Variants in DYM observed in about 807,000 individuals in gnomAD.
DYM encodes dymeclin, also known as dyggve-Melchior-Clausen syndrome protein.
DYM carries 78 observed loss-of-function variants against 93.1 expected under a neutral mutation model. The ratio of observed to expected loss-of-function variants is 0.84; its 90% CI spans 0.70 to 1.01. The LOEUF (loss-of-function observed/expected upper bound fraction) is 1.01. Ranked by LOEUF, DYM falls within the 50% of genes least tolerant of loss-of-function variation. DYM has a pLI of 0.00. For missense variants in DYM, 789 were observed against 845.0 expected (o/e 0.93, Z 0.82); for synonymous variants, 321 against 319.7 (o/e 1.00, Z -0.04).
Position 49,085,606 on chromosome 18 carries a change from CTTTTTTTTTT to C in DYM, c.2025+11786_2025+11795del, listed in dbSNP as rs11437833. ...GGCAGATGAATAAGGACAACTGGTC[CTTTTTTTTTT>C]TTTTTTTTTTTGATGGAGTCTCACT... On this transcript the variant is annotated intron_variant, in intron 17 of 17. Coordinates refer to ENST00000675505, the MANE Select transcript of DYM (RefSeq NM_001353214.3). Among the ~76,000 whole-genome samples, 8 of 102,174 alleles carry C rather than the reference CTTTTTTTTTT, an allele frequency of 7.8e-5. No homozygotes were observed. The East Asian group carries it at 1.8e-3, about 22-fold the overall frequency. The allele number at this position is 102,174 out of a possible 152,430, so 67.0% of individuals were successfully genotyped here. A position where few individuals can be genotyped will look rare whatever the true frequency, so the allele number is the denominator to read the frequency against.
intron 14 of DYM, among the ~76,000 whole-genome samples, chr18:49,193,893 T>C (rs1310522419): frequency 6.6e-6 from 1 of 152,226 alleles, no homozygotes; most frequent in African/African-American, 2.4e-5. Flanking sequence ...ATTTCCATTC[T>C]GTAGCCAAAC....
At chr18:49,202,717 T>C (rs28394224) in intron 14 of DYM, among the ~76,000 whole-genome samples, 54,982 of 55,524 alleles carry the variant, frequency 0.99, 27,235 homozygotes, top group Middle Eastern at 1. Flanking sequence ...CGTCTATGCC[T>C]GGCCGCCCCG....
intron 2 of DYM, among the ~76,000 whole-genome samples, chr18:49,399,593 T>C (rs2070525709): frequency 6.6e-6 from 1 of 152,178 alleles, no homozygotes; most frequent in African/African-American, 2.4e-5. Flanking sequence ...CCTTCTTTGA[T>C]CAGGTCTCAC....
chr18:49,082,517 G>C (rs1049678216), intron 17 of DYM, among the ~76,000 whole-genome samples: 1 of 152,160 alleles, frequency 6.6e-6, no homozygotes, highest in South Asian at 2.1e-4. Flanking sequence ...AGTGTATTAT[G>C]TCAATATGCT....
chr18:49,384,582 G>A (rs149169819), intron 3 of DYM, among the ~76,000 whole-genome samples: 5,037 of 136,228 alleles, frequency 0.037, 163 homozygotes, highest in Non-Finnish European at 0.052. Flanking sequence ...GCAAGATTGC[G>A]CCACTGCACT....
intron 3 of DYM, among the ~76,000 whole-genome samples, chr18:49,390,235 C>T (rs553723116): frequency 5.4e-4 from 82 of 152,144 alleles, no homozygotes; most frequent in African/African-American, 2.0e-3. Flanking sequence ...AGACTAGCCT[C>T]GGCAACACAG....
intron 6 of DYM, among the ~76,000 whole-genome samples, chr18:49,345,780 T>C (rs2064539004): frequency 6.6e-6 from 1 of 152,096 alleles, no homozygotes; most frequent in Non-Finnish European, 1.5e-5. Flanking sequence ...AAATATCCTA[T>C]AAGCAAGTAA....
At chr18:49,091,491 C>T (rs893417593) in intron 17 of DYM, among the ~76,000 whole-genome samples, 2 of 152,104 alleles carry the variant, frequency 1.3e-5, no homozygotes, top group South Asian at 4.1e-4. Flanking sequence ...GTGAGCCAGG[C>T]AAGGCTCTAC....
intron 2 of DYM, 145 bp from the exon 3 acceptor site, chr18:49,391,790 A>G: frequency 1.7e-6 from 1 of 603,998 alleles, no homozygotes; most frequent in Non-Finnish European, 2.8e-6. Context: ...ATCAGCAAAA[A>G]AAAAAGTTAG....
At chr18:49,122,965 T>G (rs1223312247) in intron 15 of DYM, among the ~76,000 whole-genome samples, 5 of 152,234 alleles carry the variant, frequency 3.3e-5, no homozygotes, top group African/African-American at 1.2e-4. Context: ...TTACTGAGCT[T>G]TGAATTTTAA....
chr18:49,262,654 T>C lies in DYM; in HGVS notation c.1252-4161A>G, dbSNP rs115025355. On this transcript the variant is annotated intron_variant, in intron 11 of 17. Coordinates refer to ENST00000675505, the MANE Select transcript of DYM (RefSeq NM_001353214.3). ...GGAATACTCAATACTAGTTAGTAAA[T>C]AGCTTTTGTTGTAAGCCACTCCCCC... 5.4e-3 allele frequency among the ~76,000 whole-genome samples: 825 copies of C among 152,322 alleles called. 5 individuals carry two copies. Among genetic ancestry groups the C allele is most frequent in the African/African-American group, 0.019 (800 of 41,578 alleles).
intron 13 of DYM, among the ~76,000 whole-genome samples, chr18:49,212,574 T>A (rs918070200): frequency 6.6e-6 from 1 of 152,104 alleles, no homozygotes; most frequent in African/African-American, 2.4e-5. Flanking sequence ...CATAGCTCAC[T>A]GCAGCCTAAA....
chr18:49,428,463 T>C (rs539290002), intron 2 of DYM, among the ~76,000 whole-genome samples: 11 of 152,250 alleles, frequency 7.2e-5, no homozygotes, highest in African/African-American at 2.6e-4. Context: ...GGAAGGTGAA[T>C]CACTTGAGGT....
At chr18:49,282,469 C>T (rs982853949) in intron 9 of DYM, among the ~76,000 whole-genome samples, 6 of 152,092 alleles carry the variant, frequency 3.9e-5, no homozygotes, top group South Asian at 2.1e-4. Flanking sequence ...AGAAATTAGC[C>T]AGGCATGGTG....
At chr18:49,236,478 T>TAAAAA (rs2093867321) in intron 13 of DYM, among the ~76,000 whole-genome samples, 1 of 73,000 alleles carries the variant, frequency 1.4e-5, no homozygotes, top group Non-Finnish European at 3.6e-5. Context: ...AGACTCTGTC[T>TAAAAA]CAAAAAAAAA....
rs555204862 is a variant in DYM at position 49,255,506 on chromosome 18, C to G, written c.1460+1504G>C. The stretch of plus-strand genomic sequence containing the variant: ...TGACCAACATGGTGAAACCCTGTCT[C>G]TACTAAAAATACAAAAATTAGCCAG... On this transcript the variant is annotated intron_variant, in intron 13 of 17. Transcript: ENST00000675505. Among the ~76,000 whole-genome samples, 20 of 152,112 alleles carry G rather than the reference C, an allele frequency of 1.3e-4. 1 individual carries two copies. In the East Asian group the frequency reaches 3.5e-3, roughly 26 times the overall value.
chr18:49,388,042 A>C (rs1195592582), intron 3 of DYM, among the ~76,000 whole-genome samples: 1 of 152,190 alleles, frequency 6.6e-6, no homozygotes, highest in African/African-American at 2.4e-5. Context: ...GGGACATATC[A>C]AAAGGAAAGA....
At chr18:49,390,191 G>A (rs1220598951) in intron 3 of DYM, among the ~76,000 whole-genome samples, 1 of 152,178 alleles carries the variant, frequency 6.6e-6, no homozygotes, top group Non-Finnish European at 1.5e-5. Context: ...GGGGGTCCAA[G>A]GTAGGAGGAG....
chr18:49,085,371 G>T (rs981704041), intron 17 of DYM, among the ~76,000 whole-genome samples: 1 of 152,156 alleles, frequency 6.6e-6, no homozygotes, highest in East Asian at 1.9e-4. Context: ...GATGTGCAAA[G>T]ATCATTTCTA....
Sources: allele counts gnomAD v4.1 joint callset (sites outside exome capture counted in the v4.1 genomes callset), GRCh38; gene constraint gnomAD v4.1.1; transcripts MANE v1.5; gene names NCBI Gene and HGNC (gene_info 2026-07-23, HGNC 2026-07-21).